Variants in ITCH observed in about 807,000 individuals in gnomAD.
ITCH encodes E3 ubiquitin-protein ligase Itchy homolog.
A neutral mutation model predicts 126.8 loss-of-function variants in ITCH; 28 were observed. The ratio of observed to expected loss-of-function variants is 0.22; its 90% CI spans 0.16 to 0.30. The LOEUF (loss-of-function observed/expected upper bound fraction) is 0.30. Ranked by LOEUF, ITCH falls within the 10% of genes least tolerant of loss-of-function variation. The probability of loss-of-function intolerance (pLI) is 1.00; values close to 1 mark genes in which losing one functional copy is unlikely to be tolerated. For synonymous variants in ITCH, 342 were observed against 340.0 expected (o/e 1.01, Z -0.06); for missense variants, 631 against 1,032.4 (o/e 0.61, Z 5.33).
intron 2 of ITCH, among the ~76,000 whole-genome samples, chr20:34,381,197 T>C (rs1601760806): frequency 6.6e-6 from 1 of 151,918 alleles, no homozygotes; most frequent in Non-Finnish European, 1.5e-5. Context: ...GCCCAGGAGT[T>C]GGAGACCAGC....
chr20:34,402,984 G>C (rs1380213681), intron 3 of ITCH, among the ~76,000 whole-genome samples: 1 of 151,828 alleles, frequency 6.6e-6, no homozygotes, highest in Non-Finnish European at 1.5e-5. Flanking sequence ...TGATTGTTCA[G>C]GGACCAAAAA....
chr20:34,457,917 C>G (rs1036452897), intron 13 of ITCH, among the ~76,000 whole-genome samples: 1 of 151,704 alleles, frequency 6.6e-6, no homozygotes, highest in Non-Finnish European at 1.5e-5. Flanking sequence ...CCAGTACACT[C>G]CAACCTGGAG....
intron 12 of ITCH, among the ~76,000 whole-genome samples, chr20:34,449,778 G>A (rs1984966916): frequency 6.6e-6 from 1 of 152,092 alleles, no homozygotes; most frequent in Non-Finnish European, 1.5e-5. Context: ...TACACCAGTA[G>A]GTCTGGGTGG....
At chr20:34,387,053 A>G (rs544786326) in intron 2 of ITCH, among the ~76,000 whole-genome samples, 9 of 152,306 alleles carry the variant, frequency 5.9e-5, no homozygotes, top group Non-Finnish European at 1.0e-4. Flanking sequence ...CTGTAATCTC[A>G]GCACTTTGGG....
intron 2 of ITCH, among the ~76,000 whole-genome samples, chr20:34,369,923 G>A (rs1032136574): frequency 1.3e-5 from 2 of 151,726 alleles, no homozygotes; most frequent in African/African-American, 4.8e-5. Context: ...GGACAACATG[G>A]CGAGACCCTG....
At chr20:34,405,732 G>C (rs929161352) in intron 3 of ITCH, among the ~76,000 whole-genome samples, 6 of 152,142 alleles carry the variant, frequency 3.9e-5, no homozygotes, top group South Asian at 2.1e-4. Flanking sequence ...GTAATCCTGT[G>C]ATTAAATTTG....
At chr20:34,499,068 A>G (rs1016823178) in intron 23 of ITCH, among the ~76,000 whole-genome samples, 6 of 150,370 alleles carry the variant, frequency 4.0e-5, no homozygotes, top group African/African-American at 1.2e-4. Flanking sequence ...TCCGCCTCAC[A>G]GGTTCACACC....
chr20:34,443,232 C>T (rs1156366096), intron 10 of ITCH, among the ~76,000 whole-genome samples: 2 of 151,928 alleles, frequency 1.3e-5, no homozygotes, highest in African/African-American at 4.8e-5. Context: ...ACATTACAGT[C>T]CAGGCACGGT....
At chr20:34,493,457 A>T (rs1391189296) in intron 23 of ITCH, among the ~76,000 whole-genome samples, 1 of 152,064 alleles carries the variant, frequency 6.6e-6, no homozygotes, top group East Asian at 1.9e-4. Flanking sequence ...GGACCTAGAG[A>T]TAAGAAGAAA....
At chr20:34,431,765 G>A (rs1395816645) in intron 7 of ITCH, among the ~76,000 whole-genome samples, 1 of 151,832 alleles carries the variant, frequency 6.6e-6, no homozygotes, top group South Asian at 2.1e-4. Context: ...TTTGGCCGGT[G>A]GCGGTGGCTC....
intron 7 of ITCH, among the ~76,000 whole-genome samples, chr20:34,436,501 G>A (rs1422383998): frequency 6.6e-6 from 1 of 152,218 alleles, no homozygotes; most frequent in Admixed American, 6.5e-5. Flanking sequence ...AAGAAGAGAA[G>A]CAGTGTCAAA....
At chr20:34,492,796 A>T (rs1421225912) in intron 23 of ITCH, among the ~76,000 whole-genome samples, 199 bp downstream of exon 23, 3 of 152,256 alleles carry the variant, frequency 2.0e-5, no homozygotes, top group African/African-American at 7.2e-5. Context: ...CTCAAGCTAG[A>T]ACCCACAGCT....
intron 10 of ITCH, among the ~76,000 whole-genome samples, chr20:34,442,971 G>A (rs1272563134): frequency 6.9e-6 from 1 of 144,446 alleles, no homozygotes; most frequent in African/African-American, 2.6e-5. Context: ...GCAAGACTCT[G>A]TCTCAAAAAA....
Position 34,477,789 on chromosome 20 carries a change from C to G in ITCH, c.1587C>G (p.Pro529=), listed in dbSNP as rs775765280. The stretch of plus-strand genomic sequence containing the variant: ...TTTTTTAGATAATGAGCTTCAGTCC[C>G]CAAGATCTGCGAAGACGTTTGTGGG... ...DSFQQIMSFS[P]QDLRRRLWVI... The change falls in exon 17 of 25, where the codon CCC becomes CCG. Residue 529 remains proline (P), a synonymous_variant. Transcript: ENST00000374864. 2.5e-6 allele frequency: 4 copies of G among 1,613,568 alleles called. No homozygotes were observed. The South Asian group carries it at 4.4e-5, about 18-fold the overall frequency.
chr20:34,503,099 G>GT (rs1049411537), intron 23 of ITCH, among the ~76,000 whole-genome samples: 7 of 152,268 alleles, frequency 4.6e-5, no homozygotes, highest in East Asian at 1.9e-4. Flanking sequence ...TTTTAACTGT[G>GT]TTTTTTTATA....
Position 34,492,490 on chromosome 20 carries a change from A to G in ITCH, c.2320-11A>G. ...ATGACATATATATCTCTTTAAATAT[A>G]CTTTTAACAGTTTGTTAAAGAAATT... On this transcript the variant is annotated splice_polypyrimidine_tract_variant and intron_variant, in intron 22 of 24. Coordinates refer to ENST00000374864, the MANE Select transcript of ITCH (RefSeq NM_031483.7). 7.0e-7 allele frequency: 1 copy of G among 1,436,220 alleles called. No individual in the cohort carries two copies. The highest frequency in any genetic ancestry group is 9.8e-7 in the Non-Finnish European group (1 of 1,017,630). 89.0% of individuals were successfully genotyped at this position (1,436,220 alleles called of 1,614,324 possible).
In ITCH at chr20:34,413,853, C is replaced by T; in HGVS notation, c.449C>T (p.Thr150Ile). The T allele has an allele frequency of 3.1e-6, 5 of 1,613,494 alleles. No individual in the cohort carries two copies. The highest frequency in any genetic ancestry group is 4.2e-6 in the Non-Finnish European group (5 of 1,179,518). The change falls in exon 6 of 25, where the codon ACC (threonine) becomes ATC (isoleucine). Residue 150 changes from threonine (T) to isoleucine (I), a missense_variant. This residue lies in a region of ITCH where 220 missense variants were observed against 265.7 expected (regional missense o/e 0.83). Coordinates refer to ENST00000374864, the MANE Select transcript of ITCH (RefSeq NM_031483.7). The part of the protein sequence containing the change: ...DGLQLESEVV[T>I]NGETTCSESA... Reference sequence around the variant, plus strand: ...CTACAGTTAGAGTCTGAAGTTGTTACCAATGGTGAAACTACATGTTCAGAA... The same window carrying T: ...CTACAGTTAGAGTCTGAAGTTGTTATCAATGGTGAAACTACATGTTCAGAA...
chr20:34,402,738 C>A, intron 3 of ITCH: 2 of 347,648 alleles, frequency 5.8e-6, no homozygotes, highest in South Asian at 3.4e-5. Flanking sequence ...TTTCAAATCT[C>A]ATGTTGACCT....
chr20:34,424,610 A>C (rs1981241819), intron 7 of ITCH, 85 bp downstream of exon 7: 1 of 1,109,404 alleles, frequency 9.0e-7, no homozygotes, highest in Admixed American at 1.7e-5. Flanking sequence ...CAGGTTCATG[A>C]TATAAGAATA....
Sources: allele counts gnomAD v4.1 joint callset (sites outside exome capture counted in the v4.1 genomes callset), GRCh38; gene constraint gnomAD v4.1.1; regional missense constraint gnomAD v4.1.1; transcripts MANE v1.5; gene names NCBI Gene and HGNC (gene_info 2026-07-23, HGNC 2026-07-21).